LYPLAL1: variants seen among roughly 807,000 people sequenced by gnomAD.
The protein encoded by LYPLAL1 is lysophospholipase-like protein 1.
A neutral mutation model predicts 19.7 loss-of-function variants in LYPLAL1; 23 were observed. That is an observed-to-expected ratio of 1.17 (90% CI 0.84 to 1.65). LYPLAL1 has a LOEUF of 1.65. Ranked by LOEUF, LYPLAL1 falls within the 40% of genes most tolerant of loss-of-function variation. The pLI, the probability that LYPLAL1 is intolerant of heterozygous loss-of-function variation, is 0.00. For missense variants in LYPLAL1, 355 were observed against 279.4 expected (o/e 1.27, Z -1.93); for synonymous variants, 119 against 96.3 (o/e 1.24, Z -1.38).
At chr1:219,430,160 G>T in the LYPLAL1 span, among the ~76,000 whole-genome samples, 1 of 151,910 alleles carries the variant, frequency 6.6e-6, no homozygotes, top group African/African-American at 2.4e-5. Flanking sequence ...TGGATGTGAT[G>T]GTGTGTGCCT....
At chr1:219,232,303 C>T in the LYPLAL1 span, among the ~76,000 whole-genome samples, 2 of 151,762 alleles carry the variant, frequency 1.3e-5, no homozygotes, top group East Asian at 1.9e-4. Flanking sequence ...AATATAAATA[C>T]ATACATACAC....
Position 219,182,644 on chromosome 1 carries a change from T to C in LYPLAL1, c.191+3398T>C, listed in dbSNP as rs1353463469. 2.6e-5 allele frequency among the ~76,000 whole-genome samples: 4 copies of C among 152,260 alleles called. No individual in the cohort carries two copies. The East Asian group carries it at 7.7e-4, about 29-fold the overall frequency. On this transcript the variant is annotated intron_variant, in intron 2 of 4. Coordinates refer to ENST00000366928, the MANE Select transcript of LYPLAL1 (RefSeq NM_138794.5). ...TATCAAGGTTTCATGCTTTAACATGTTGCTACATACTTTCTGATATTGTCC... is the reference window on the plus strand; with the variant it reads ...TATCAAGGTTTCATGCTTTAACATGCTGCTACATACTTTCTGATATTGTCC...
the LYPLAL1 span, among the ~76,000 whole-genome samples, chr1:219,281,146 T>C: frequency 6.6e-6 from 1 of 152,264 alleles, no homozygotes; most frequent in African/African-American, 2.4e-5. Context: ...TTCCATTATG[T>C]TCCCCTGATT....
At chr1:219,277,230 C>T in the LYPLAL1 span, among the ~76,000 whole-genome samples, 1 of 152,156 alleles carries the variant, frequency 6.6e-6, no homozygotes, top group African/African-American at 2.4e-5. Context: ...TACAAGGGGT[C>T]ATGCTCCCTT....
chr1:219,280,402 A>T, the LYPLAL1 span, among the ~76,000 whole-genome samples: 3 of 152,164 alleles, frequency 2.0e-5, no homozygotes, highest in Admixed American at 2.0e-4. Context: ...AGACAACTGG[A>T]TATCTGCTTT....
At chr1:219,330,984 A>G in the LYPLAL1 span, among the ~76,000 whole-genome samples, 2 of 152,210 alleles carry the variant, frequency 1.3e-5, no homozygotes, top group Non-Finnish European at 2.9e-5. Flanking sequence ...AAATCTGGCT[A>G]GTATTCCTGC....
chr1:219,380,867 G>A, the LYPLAL1 span, among the ~76,000 whole-genome samples: 1 of 152,156 alleles, frequency 6.6e-6, no homozygotes, highest in East Asian at 1.9e-4. Flanking sequence ...ACAAATGGGA[G>A]AGGCTGTGTT....
At chr1:219,322,418 C>T in the LYPLAL1 span, among the ~76,000 whole-genome samples, 2,711 of 152,116 alleles carry the variant, frequency 0.018, 92 homozygotes, top group African/African-American at 0.061. Flanking sequence ...GACAATGAGG[C>T]GAACAATTTA....
chr1:219,215,220 G>C (rs577649605), downstream of LYPLAL1, among the ~76,000 whole-genome samples: 3 of 152,192 alleles, frequency 2.0e-5, no homozygotes, highest in Non-Finnish European at 4.4e-5. Context: ...TTTTCGAAAG[G>C]TGTTTTCACT....
downstream of LYPLAL1, among the ~76,000 whole-genome samples, chr1:219,217,239 T>C (rs1250175267): frequency 6.6e-6 from 1 of 152,186 alleles, no homozygotes; most frequent in African/African-American, 2.4e-5. Flanking sequence ...ATCATGCTTG[T>C]GACATGTTCA....
At chr1:219,354,892 A>G in the LYPLAL1 span, among the ~76,000 whole-genome samples, 2 of 150,834 alleles carry the variant, frequency 1.3e-5, no homozygotes, top group African/African-American at 2.4e-5. Flanking sequence ...TTAAAAAGAT[A>G]TTTGACTATT....
the LYPLAL1 span, among the ~76,000 whole-genome samples, chr1:219,249,678 G>A: frequency 6.6e-6 from 1 of 152,000 alleles, no homozygotes; most frequent in Admixed American, 6.6e-5. Context: ...AGTACTAGTT[G>A]CTTCATATTG....
chr1:219,203,986 T>C (rs1658335187), intron 3 of LYPLAL1, among the ~76,000 whole-genome samples: 1 of 152,134 alleles, frequency 6.6e-6, no homozygotes, highest in Admixed American at 6.5e-5. Context: ...CTTTCTGCAA[T>C]GGATATGCAC....
At chr1:219,409,793 A>G in the LYPLAL1 span, 1 of 152,328 alleles carries the variant, frequency 6.6e-6, no homozygotes, top group East Asian at 1.9e-4. Context: ...TCTATGAGCC[A>G]GTCCTGAAGA....
intron 2 of LYPLAL1, among the ~76,000 whole-genome samples, chr1:219,189,167 C>T (rs948887777): frequency 6.6e-6 from 1 of 151,506 alleles, no homozygotes; most frequent in African/African-American, 2.4e-5. Flanking sequence ...CACTTTTTTC[C>T]ATTAATGGCT....
the LYPLAL1 span, among the ~76,000 whole-genome samples, chr1:219,280,690 A>G: frequency 6.6e-6 from 1 of 152,132 alleles, no homozygotes; most frequent in East Asian, 1.9e-4. Context: ...TTTTTTTGCC[A>G]GTTTGAGAAA....
the LYPLAL1 span, among the ~76,000 whole-genome samples, chr1:219,309,159 C>A: frequency 6.6e-6 from 1 of 152,134 alleles, no homozygotes; most frequent in Non-Finnish European, 1.5e-5. Flanking sequence ...CTTGCATGAG[C>A]CTTGCATGAG....
chr1:219,306,060 CAATG>C, the LYPLAL1 span, among the ~76,000 whole-genome samples: 2 of 152,134 alleles, frequency 1.3e-5, no homozygotes, highest in South Asian at 2.1e-4. Context: ...TTCTAACAGA[CAATG>C]AACTCCATAC....
At chr1:219,352,679 G>A in the LYPLAL1 span, among the ~76,000 whole-genome samples, 2 of 152,052 alleles carry the variant, frequency 1.3e-5, no homozygotes, top group Non-Finnish European at 2.9e-5. Flanking sequence ...CGATTTAATA[G>A]GCATACCTTC....
Sources: allele counts gnomAD v4.1 joint callset (sites outside exome capture counted in the v4.1 genomes callset), GRCh38; gene constraint gnomAD v4.1.1; transcripts MANE v1.5; gene names NCBI Gene and HGNC (gene_info 2026-07-23, HGNC 2026-07-21).